GLUD1: variants seen among roughly 807,000 people sequenced by gnomAD.
The protein encoded by GLUD1 is glutamate dehydrogenase 1, mitochondrial.
In GLUD1, 22 loss-of-function variants were observed where a neutral mutation model predicts 56.0. That is an observed-to-expected ratio of 0.39 (90% CI 0.28 to 0.56). GLUD1 has a LOEUF of 0.56. Among genes scored for constraint, GLUD1 ranks in the 20% least tolerant of loss-of-function variants. The pLI is 0.58. For missense variants in GLUD1, 451 were observed against 732.0 expected, an observed-to-expected ratio of 0.62 and a Z score of 4.43; for synonymous variants, 223 against 269.9, an observed-to-expected ratio of 0.83 and a Z score of 1.70.
chr10:87,061,184 A>T, intron 6 of GLUD1, 132 bp from the exon 7 acceptor site: 1 of 881,558 alleles, frequency 1.1e-6, no homozygotes, highest in South Asian at 1.3e-5. Context: ...GCCAAAAGAA[A>T]CAATGTACTA....
Position 87,094,465 on chromosome 10 carries a change from A to T in GLUD1, c.305T>A (p.Val102Glu), listed in dbSNP as rs779816705. ...RESEEQKRNR[V>E]RGILRIIKPC... is the part of the protein sequence containing the mutation. ...CTTGATGATCCGCAGGATGCCGCGC[A>T]CCCGGTTCCGCTTCTGCTCCTCGCT... Residue 102 changes from valine to glutamate, a missense_variant, in exon 1 of 13, where the codon GTG becomes GAG. Physicochemically the swap from Val to Glu is moderately radical, Grantham distance 121. Coordinates refer to ENST00000277865, the MANE Select transcript of GLUD1 (RefSeq NM_005271.5). The surrounding 1 kb of genome is among the most constrained non-coding windows in gnomAD (Gnocchi z 6.6). 3.7e-6 allele frequency: 6 copies of T among 1,613,442 alleles called. No individual in the cohort carries two copies. Among genetic ancestry groups the T allele is most frequent in the Non-Finnish European group, 5.1e-6 (6 of 1,179,950 alleles).
At chr10:87,082,177 A>G (rs1841277876) in intron 1 of GLUD1, among the ~76,000 whole-genome samples, 2 of 152,208 alleles carry the variant, frequency 1.3e-5, no homozygotes, top group African/African-American at 4.8e-5. Context: ...ATATTCATAA[A>G]TCAAACAGAA....
At chr10:87,087,163 G>A (rs896243205) in intron 1 of GLUD1, among the ~76,000 whole-genome samples, 1 of 152,164 alleles carries the variant, frequency 6.6e-6, no homozygotes, top group African/African-American at 2.4e-5. Context: ...CAGGACTCAG[G>A]GAAACGTTAC....
At chr10:87,081,963 A>G (rs1192872357) in intron 1 of GLUD1, among the ~76,000 whole-genome samples, 36 of 146,582 alleles carry the variant, frequency 2.5e-4, no homozygotes, top group Non-Finnish European at 4.4e-4. Context: ...AAAAAAAAAA[A>G]GAAAAAAAAA....
chr10:87,093,147 A>C (rs1364841328), intron 1 of GLUD1, among the ~76,000 whole-genome samples: 1 of 152,212 alleles, frequency 6.6e-6, no homozygotes, highest in Non-Finnish European at 1.5e-5. Context: ...AGCACCGCTC[A>C]AGTTTTTTCC....
chr10:87,064,850 G>A (rs1041995029), intron 5 of GLUD1, among the ~76,000 whole-genome samples: 4 of 152,192 alleles, frequency 2.6e-5, no homozygotes, highest in African/African-American at 9.6e-5. Context: ...TCTGGGGTCA[G>A]GCCTGGCGCC....
Position 87,094,252 on chromosome 10 carries a change from C to T in GLUD1, c.445+73G>A. 1.3e-6 allele frequency: 2 copies of T among 1,524,360 alleles called. No homozygotes were observed. Among genetic ancestry groups the T allele is most frequent in the African/African-American group, 1.4e-5 (1 of 72,586 alleles). The allele number at this position is 1,524,360 out of a possible 1,614,324, so 94.4% of individuals were successfully genotyped here. On this transcript the variant is annotated intron_variant, in intron 1 of 12. Coordinates refer to ENST00000277865, the MANE Select transcript of GLUD1 (RefSeq NM_005271.5). This position sits in a 1 kb window ranked among gnomAD's most constrained non-coding sequence, Gnocchi z 6.6. ...TGGGCTGGGCTGAGCAGCGGCCCCG[C>T]ACCGGCAGGAGGCCGGAGGGGAGGG...
At chr10:87,090,549 G>T (rs943809601) in intron 1 of GLUD1, among the ~76,000 whole-genome samples, 8 of 152,096 alleles carry the variant, frequency 5.3e-5, no homozygotes, top group African/African-American at 1.7e-4. Flanking sequence ...GTATACTTTG[G>T]GAGAAAAGAC....
At chr10:87,083,748 G>T (rs1841318036) in intron 1 of GLUD1, among the ~76,000 whole-genome samples, 1 of 152,170 alleles carries the variant, frequency 6.6e-6, no homozygotes, top group Admixed American at 6.5e-5. Flanking sequence ...ACATTGGGAG[G>T]CTGAGGCAGA....
intron 1 of GLUD1, among the ~76,000 whole-genome samples, chr10:87,090,175 C>G (rs1275479913): frequency 2.0e-5 from 3 of 152,018 alleles, no homozygotes; most frequent in Non-Finnish European, 4.4e-5. Flanking sequence ...GTTACAGAAC[C>G]CTTAGTATTT....
At chr10:87,074,464 G>A in intron 4 of GLUD1, 87 bp downstream of exon 4, 1 of 787,542 alleles carries the variant, frequency 1.3e-6, no homozygotes, top group South Asian at 1.4e-5. Flanking sequence ...CTCTAGTCTG[G>A]GCAACAGAGT....
chr10:87,084,838 C>T (rs1019737943), intron 1 of GLUD1, among the ~76,000 whole-genome samples: 3 of 152,182 alleles, frequency 2.0e-5, no homozygotes, highest in Admixed American at 1.3e-4. Flanking sequence ...GCCACTTACT[C>T]ATCAGATTAT....
At chr10:87,056,115 CAAAAAAA>C (rs201114912) in intron 11 of GLUD1, among the ~76,000 whole-genome samples, 3 of 62,758 alleles carry the variant, frequency 4.8e-5, no homozygotes, top group African/African-American at 7.2e-5. Flanking sequence ...GACTCTGTCT[CAAAAAAA>C]AAAAAAAAAA....
chr10:87,088,661 C>T (rs1332971347), intron 1 of GLUD1, among the ~76,000 whole-genome samples: 1 of 152,166 alleles, frequency 6.6e-6, no homozygotes, highest in African/African-American at 2.4e-5. Flanking sequence ...CTACTGACAA[C>T]CTTTGAAATT....
At chr10:87,052,755 G>A (rs999959255) in intron 12 of GLUD1, among the ~76,000 whole-genome samples, 2 of 149,906 alleles carry the variant, frequency 1.3e-5, no homozygotes, top group Non-Finnish European at 3.0e-5. Context: ...TATAATAAAG[G>A]ATGCCGAATT....
intron 12 of GLUD1, 149 bp downstream of exon 12, chr10:87,053,193 G>GA (rs1402283870): frequency 1.7e-5 from 12 of 686,832 alleles, no homozygotes; most frequent in Non-Finnish European, 2.7e-5. Context: ...ATCTGAGACT[G>GA]AAAAAACATG....
rs2086378065 is a variant in GLUD1, at chr10:87,091,504, CT to C, written c.445+2820del. The C allele has an allele frequency of 1.5e-5, 4 of 261,570 alleles. No homozygotes were observed. The South Asian group carries it at 5.8e-4, about 38-fold the overall frequency. The allele number at this position is 261,570 out of a possible 1,614,324, so 16.2% of individuals were successfully genotyped here. On this transcript the variant is annotated intron_variant, in intron 1 of 12. Coordinates refer to ENST00000277865, the MANE Select transcript of GLUD1 (RefSeq NM_005271.5). The stretch of plus-strand genomic sequence containing the variant: ...CTCAAATCAGTCGCATATTCTCACA[CT>C]ATGCCCCTTTGCTGGAAATATTTTT...
At chr10:87,074,399 G>A (rs558966810) in intron 4 of GLUD1, 152 bp downstream of exon 4, 25 of 645,990 alleles carry the variant, frequency 3.9e-5, no homozygotes, top group Non-Finnish European at 7.1e-5. Context: ...TACTTGGGAG[G>A]CTGAGACAAG....
chr10:87,064,263 C>T (rs977033817), intron 5 of GLUD1, among the ~76,000 whole-genome samples: 2 of 152,064 alleles, frequency 1.3e-5, no homozygotes, highest in Non-Finnish European at 2.9e-5. Flanking sequence ...GAAACAGAAA[C>T]AGGTGTAATT....
Sources: gnomAD v4.1 joint callset for allele counts (sites outside exome capture counted in the v4.1 genomes callset) on GRCh38, gnomAD v4.1.1 for gene constraint, Gnocchi (gnomAD v3.1) non-coding constraint, MANE v1.5 for transcripts, NCBI Gene and HGNC (gene_info 2026-07-23, HGNC 2026-07-21) for gene names.